Variants in EPHB1 observed in about 807,000 individuals in gnomAD.
EPHB1 encodes the protein ephrin type-B receptor 1.
A neutral mutation model predicts 94.4 loss-of-function variants in EPHB1; 30 were observed. The ratio of observed to expected loss-of-function variants is 0.32; its 90% CI spans 0.24 to 0.43. The LOEUF (loss-of-function observed/expected upper bound fraction) is 0.43. Ranked by LOEUF, EPHB1 falls within the 20% of genes least tolerant of loss-of-function variation. EPHB1 has a pLI of 1.00. For synonymous variants in EPHB1, 522 were observed against 489.1 expected (o/e 1.07, Z -0.89); for missense variants, 1,055 against 1,308.3 (o/e 0.81, Z 2.99).
intron 4 of EPHB1, among the ~76,000 whole-genome samples, chr3:135,116,368 C>A (rs1020485109): frequency 6.6e-6 from 1 of 152,212 alleles, no homozygotes; most frequent in African/African-American, 2.4e-5. Context: ...CTGTGTACAA[C>A]CTGTGCTACC....
At chr3:135,245,070 CT>C (rs1943886557) in intron 13 of EPHB1, among the ~76,000 whole-genome samples, 1 of 152,166 alleles carries the variant, frequency 6.6e-6, no homozygotes, top group Non-Finnish European at 1.5e-5. Flanking sequence ...GTCCTTGGTG[CT>C]TTTCAAATAC....
At chr3:134,882,756 TCC>T (rs1491281891) in intron 1 of EPHB1, among the ~76,000 whole-genome samples, 1,544 of 47,014 alleles carry the variant, frequency 0.033, 116 homozygotes, top group African/African-American at 0.13. Context: ...CTTCCTTTCT[TCC>T]TTCCTTCCTT....
At chr3:135,187,111 C>T (rs1272181636) in intron 10 of EPHB1, among the ~76,000 whole-genome samples, 1 of 152,164 alleles carries the variant, frequency 6.6e-6, no homozygotes, top group Non-Finnish European at 1.5e-5. Context: ...CTAGACTGAC[C>T]TACACCTGGA....
At chr3:135,170,813 A>T (rs1222166738) in intron 9 of EPHB1, among the ~76,000 whole-genome samples, 1 of 152,190 alleles carries the variant, frequency 6.6e-6, no homozygotes, top group African/African-American at 2.4e-5. Context: ...GTTGGCTGGA[A>T]TGTGTAGGGG....
At chr3:135,135,884 G>A (rs1940603144) in intron 5 of EPHB1, among the ~76,000 whole-genome samples, 1 of 152,158 alleles carries the variant, frequency 6.6e-6, no homozygotes, top group East Asian at 1.9e-4. Flanking sequence ...AGAAATAGAT[G>A]AGTAATAATT....
At chr3:135,180,922 CT>C (rs1417985523) in intron 10 of EPHB1, among the ~76,000 whole-genome samples, 2 of 152,090 alleles carry the variant, frequency 1.3e-5, no homozygotes, top group African/African-American at 4.8e-5. Context: ...ATGCTGTCAT[CT>C]TTTTTAGGTT....
At chr3:135,203,041 T>TAA (rs1339839559) in intron 12 of EPHB1, among the ~76,000 whole-genome samples, 1 of 152,188 alleles carries the variant, frequency 6.6e-6, no homozygotes, top group Non-Finnish European at 1.5e-5. Flanking sequence ...TGCAGCCATA[T>TAA]AAAAGAATGA....
chr3:135,063,103 T>C (rs1056327443), intron 3 of EPHB1, among the ~76,000 whole-genome samples: 4 of 152,218 alleles, frequency 2.6e-5, no homozygotes. Flanking sequence ...ATAGTATAGT[T>C]TGAAATCAGG....
Position 134,918,860 on chromosome 3 carries a change from C to T in EPHB1, c.59-6956C>T, listed in dbSNP as rs192157508. ...AATTATTTTCTTTGGACAAATTCTT[C>T]GGAGTGAAGTTATTAGGTGGTCAGA... On this transcript the variant is annotated intron_variant, in intron 1 of 15. Coordinates refer to ENST00000398015, the MANE Select transcript of EPHB1 (RefSeq NM_004441.5). Among the ~76,000 whole-genome samples the T allele has an allele frequency of 2.5e-3, 382 of 152,218 alleles. 2 individuals are homozygous for T. Among genetic ancestry groups the T allele is most frequent in the Middle Eastern group, 6.8e-3 (2 of 294 alleles).
At chr3:135,155,787 CAA>C (rs35095229) in intron 6 of EPHB1, among the ~76,000 whole-genome samples, 23 of 59,454 alleles carry the variant, frequency 3.9e-4, no homozygotes, top group African/African-American at 9.5e-4. Flanking sequence ...AAGACTTTGT[CAA>C]AAAAAAAAAA....
Position 135,154,178 on chromosome 3 carries a change from C to A in EPHB1, c.1324C>A (p.Gln442Lys). ...CCCCTCCACCGTTCCCATCATGCAC[C>A]AAGTCAGTGCCACTATGAGGAGCAT... ...AAPSTVPIMH[Q>K]VSATMRSITL... Residue 442 changes from glutamine to lysine, a missense_variant, in exon 6 of 16, where the codon CAA becomes AAA. Physicochemically the swap from Gln to Lys is moderately conservative, Grantham distance 53 (BLOSUM62 1). Coordinates refer to ENST00000398015, the MANE Select transcript of EPHB1 (RefSeq NM_004441.5). 6.2e-7 allele frequency: 1 copy of A among 1,613,972 alleles called. No individual in the cohort carries two copies.
chr3:135,019,259 A>G (rs771830161), intron 3 of EPHB1, among the ~76,000 whole-genome samples: 2 of 152,128 alleles, frequency 1.3e-5, no homozygotes. Context: ...AAGCAGTCTT[A>G]TCCCCCAGGG....
At chr3:134,960,188 T>C (rs1328073182) in intron 3 of EPHB1, among the ~76,000 whole-genome samples, 1 of 151,942 alleles carries the variant, frequency 6.6e-6, no homozygotes, top group African/African-American at 2.4e-5. Flanking sequence ...CCTTAAGACC[T>C]GGGTCTCAGG....
chr3:134,864,572 T>G (rs2037333305), intron 1 of EPHB1, among the ~76,000 whole-genome samples: 1 of 152,110 alleles, frequency 6.6e-6, no homozygotes, highest in South Asian at 2.1e-4. Flanking sequence ...AGCCACAGAG[T>G]CAGAGTAAAA....
chr3:135,191,107 GAGGA>G lies in EPHB1; in HGVS notation c.1883-1457_1883-1454del, dbSNP rs1459723851. On this transcript the variant is annotated intron_variant, in intron 10 of 15. Transcript: ENST00000398015. ...AAAACAAAAAAAAAGGAGTGGAAGG[GAGGA>G]AGGAAGGAAGGGAGGGAGGGACAGA... 1.2e-4 allele frequency among the ~76,000 whole-genome samples: 6 copies of G among 51,968 alleles called. No individual in the cohort carries two copies. The South Asian group carries it at 5.4e-3, about 47-fold the overall frequency. The allele number at this position is 51,968 out of a possible 152,430, so 34.1% of individuals were successfully genotyped here.
At chr3:135,184,274 G>T (rs113216112) in intron 10 of EPHB1, among the ~76,000 whole-genome samples, 1 of 152,126 alleles carries the variant, frequency 6.6e-6, no homozygotes, top group Non-Finnish European at 1.5e-5. Flanking sequence ...GCATGTGAGT[G>T]AAGACCCACG....
chr3:135,031,633 C>T (rs926080325), intron 3 of EPHB1, among the ~76,000 whole-genome samples: 2 of 152,160 alleles, frequency 1.3e-5, no homozygotes, highest in Non-Finnish European at 2.9e-5. Flanking sequence ...AATGCTTAGC[C>T]AAGTAGAGTT....
At chr3:134,857,366 T>TCACA (rs1355215895) in intron 1 of EPHB1, among the ~76,000 whole-genome samples, 2 of 152,180 alleles carry the variant, frequency 1.3e-5, no homozygotes, top group Non-Finnish European at 1.5e-5. Flanking sequence ...GCTAGCTGCC[T>TCACA]CACACTTGCA....
intron 2 of EPHB1, among the ~76,000 whole-genome samples, chr3:134,926,378 A>C (rs1050307360): frequency 8.5e-5 from 13 of 152,204 alleles, no homozygotes; most frequent in African/African-American, 3.1e-4. Flanking sequence ...TGTGGGAACC[A>C]GTGTGTGGCA....
Sources: allele counts gnomAD v4.1 joint callset (sites outside exome capture counted in the v4.1 genomes callset), GRCh38; gene constraint gnomAD v4.1.1; transcripts MANE v1.5; gene names NCBI Gene and HGNC (gene_info 2026-07-23, HGNC 2026-07-21).